Variants in UHRF2 observed in about 807,000 individuals in gnomAD.
The protein encoded by UHRF2 is E3 ubiquitin-protein ligase UHRF2.
UHRF2 carries 23 observed loss-of-function variants against 96.8 expected under a neutral mutation model. That is an observed-to-expected ratio of 0.24 (90% confidence interval 0.17 to 0.34). UHRF2 has a LOEUF of 0.34. Among genes scored for constraint, UHRF2 ranks in the 10% least tolerant of loss-of-function variants. UHRF2 has a pLI of 1.00. For missense variants in UHRF2, 685 were observed against 981.5 expected (o/e 0.70, Z 4.04); for synonymous variants, 385 against 332.6 (o/e 1.16, Z -1.72).
intron 10 of UHRF2, chr9:6,495,000 C>G (rs1587877320): frequency 1.3e-5 from 2 of 152,120 alleles, no homozygotes; most frequent in East Asian, 1.9e-4. Flanking sequence ...TCTTTTCTAG[C>G]AAGAAAGCAG....
At chr9:6,504,788 C>G in intron 15 of UHRF2, 97 bp downstream of exon 15, 3 of 935,302 alleles carry the variant, frequency 3.2e-6, no homozygotes, top group Non-Finnish European at 4.7e-6. Flanking sequence ...TTCCGTGAAG[C>G]GGGATAGTTG....
chr9:6,429,895 A>G (rs1055127564), intron 2 of UHRF2, among the ~76,000 whole-genome samples: 13 of 152,262 alleles, frequency 8.5e-5, no homozygotes, highest in Non-Finnish European at 1.8e-4. Flanking sequence ...CCTAGCATAT[A>G]GTAAAACCAT....
chr9:6,452,355 T>G (rs141100200), intron 3 of UHRF2, among the ~76,000 whole-genome samples: 1 of 152,206 alleles, frequency 6.6e-6, no homozygotes, highest in South Asian at 2.1e-4. Flanking sequence ...GTGTTTCTGG[T>G]AATTAACAGA....
chr9:6,493,967 T>G (rs776954686), intron 10 of UHRF2, 35 bp downstream of exon 10: 1 of 1,580,348 alleles, frequency 6.3e-7, no homozygotes, highest in Non-Finnish European at 8.7e-7. Context: ...ATTTGAACAT[T>G]GAATAAAAGT....
At chr9:6,487,234 G>C (rs1288785612) in intron 9 of UHRF2, among the ~76,000 whole-genome samples, 6 of 130,360 alleles carry the variant, frequency 4.6e-5, no homozygotes, top group African/African-American at 1.8e-4. Flanking sequence ...ATATCACCTG[G>C]GCTGGAGTGC....
At chr9:6,479,213 CTCCTATTCAT>C (rs1823775759) in intron 6 of UHRF2, among the ~76,000 whole-genome samples, 1 of 152,154 alleles carries the variant, frequency 6.6e-6, no homozygotes, top group African/African-American at 2.4e-5. Flanking sequence ...TCCATTTCCT[CTCCTATTCAT>C]ACTTCAGCAC....
intron 12 of UHRF2, chr9:6,499,177 A>C (rs1270599997): frequency 1.3e-5 from 2 of 152,266 alleles, no homozygotes; most frequent in Non-Finnish European, 2.9e-5. Flanking sequence ...TATGATGAGT[A>C]ATAGTCATTG....
chr9:6,500,790 A>T, intron 14 of UHRF2, 81 bp downstream of exon 14: 1 of 1,343,242 alleles, frequency 7.4e-7, no homozygotes, highest in Non-Finnish European at 1.0e-6. Flanking sequence ...TGTTTTTCAC[A>T]CATCAGTCAA....
chr9:6,434,273 C>T, intron 3 of UHRF2, 100 bp downstream of exon 3: 2 of 1,369,774 alleles, frequency 1.5e-6, no homozygotes, highest in Non-Finnish European at 1.9e-6. Context: ...CTGAAGAAAT[C>T]CTTTAGAGGT....
At chr9:6,491,603 T>TTGGG (rs1455867304) in intron 9 of UHRF2, among the ~76,000 whole-genome samples, 3 of 152,214 alleles carry the variant, frequency 2.0e-5, no homozygotes, top group African/African-American at 7.2e-5. Flanking sequence ...GCTGAGAAGT[T>TTGGG]TGGGATAAAG....
chr9:6,499,902 G>A lies in UHRF2; in HGVS notation c.1976G>A (p.Ser659Asn), dbSNP rs776960027. 3 of 1,611,530 alleles carry A rather than the reference G, an allele frequency of 1.9e-6. No homozygotes were observed. Among genetic ancestry groups the A allele is most frequent in the South Asian group, 2.2e-5 (2 of 90,938 alleles). Reference protein sequence around the residue: ...KPKGQSKKQPSGTTKRPISDD... With the variant: ...KPKGQSKKQPNGTTKRPISDD... ...AAAGGACAGTCAAAGAAGCAGCCCA[G>A]TGGAACCACAAAAAGGCCAATTTCA... Residue 659 changes from serine to asparagine, a missense_variant, in exon 13 of 16, where the codon AGT becomes AAT. By Grantham distance (46) the Ser-to-Asn change is conservative. Around this residue, in one of 6 missense-constraint regions of UHRF2, gnomAD observed 99 missense variants for 73.5 expected, o/e 1.35. Coordinates refer to ENST00000276893, the MANE Select transcript of UHRF2 (RefSeq NM_152896.3).
At chr9:6,470,086 C>T (rs1314414574) in intron 4 of UHRF2, among the ~76,000 whole-genome samples, 2 of 152,192 alleles carry the variant, frequency 1.3e-5, no homozygotes, top group African/African-American at 2.4e-5. Context: ...TAAAAACATT[C>T]CCAGCTGGGC....
At chr9:6,481,153 A>T (rs1823902939) in intron 6 of UHRF2, among the ~76,000 whole-genome samples, 1 of 152,226 alleles carries the variant, frequency 6.6e-6, no homozygotes, top group Non-Finnish European at 1.5e-5. Context: ...ATAAGCAATT[A>T]AAATGAAGCT....
chr9:6,486,040 C>G (rs1455251472), intron 8 of UHRF2, among the ~76,000 whole-genome samples: 1 of 151,990 alleles, frequency 6.6e-6, no homozygotes, highest in African/African-American at 2.4e-5. Flanking sequence ...GAAGGAGAAG[C>G]TGCACATAAG....
intron 1 of UHRF2, among the ~76,000 whole-genome samples, chr9:6,419,462 T>G (rs1031863224): frequency 6.6e-6 from 1 of 150,978 alleles, no homozygotes; most frequent in Non-Finnish European, 1.5e-5. Flanking sequence ...TCCCTTCTTG[T>G]TTTTTTTTCT....
chr9:6,419,009 C>T (rs947094013), intron 1 of UHRF2, among the ~76,000 whole-genome samples: 3 of 152,196 alleles, frequency 2.0e-5, no homozygotes, highest in East Asian at 1.9e-4. Flanking sequence ...CATTGTCTTC[C>T]GGCTGCATCT....
At chr9:6,421,922 G>C (rs1819953856) in intron 2 of UHRF2, among the ~76,000 whole-genome samples, 1 of 152,034 alleles carries the variant, frequency 6.6e-6, no homozygotes, top group South Asian at 2.1e-4. Flanking sequence ...AAGATTCTCT[G>C]CATATAGCTG....
intron 6 of UHRF2, among the ~76,000 whole-genome samples, chr9:6,478,651 T>A (rs1823736391): frequency 6.6e-6 from 1 of 152,242 alleles, no homozygotes; most frequent in Admixed American, 6.5e-5. Context: ...TGTGCCATAT[T>A]GCTACTGGTG....
At chr9:6,487,728 C>G (rs2130930649) in intron 9 of UHRF2, among the ~76,000 whole-genome samples, 1 of 152,360 alleles carries the variant, frequency 6.6e-6, no homozygotes, top group Middle Eastern at 3.4e-3. Context: ...TCTCAAACTC[C>G]TGACCTCAGA....
Sources: gnomAD v4.1 joint callset for allele counts (sites outside exome capture counted in the v4.1 genomes callset) on GRCh38, gnomAD v4.1.1 for gene constraint, gnomAD v4.1.1 regional missense constraint, MANE v1.5 for transcripts, NCBI Gene and HGNC (gene_info 2026-07-23, HGNC 2026-07-21) for gene names.